Variants in ASIC2 observed in about 807,000 individuals in gnomAD.
ASIC2 encodes acid sensing ion channel subunit 2, also known as acid-sensing ion channel 2.
Under a neutral mutation model 57.3 loss-of-function variants are expected in ASIC2, and 25 were observed. That is an observed-to-expected ratio of 0.44 (90% CI 0.32 to 0.61). The LOEUF is 0.61. ASIC2 is among the 20% of genes least tolerant of loss of function. The pLI, the probability that ASIC2 is intolerant of heterozygous loss-of-function variation, is 0.06. For missense variants in ASIC2, 641 were observed against 738.1 expected (o/e 0.87, Z 1.52); for synonymous variants, 319 against 307.5 (o/e 1.04, Z -0.39).
At position 33,118,090 on chromosome 17, in the gene ASIC2, T is replaced by C. The variant is rs1004877628; in HGVS notation, c.709-6023A>G. Among the ~76,000 whole-genome samples, 5 of 152,200 alleles carry C rather than the reference T, an allele frequency of 3.3e-5. 1 individual carries two copies. Among genetic ancestry groups the C allele is most frequent in the African/African-American group, 1.2e-4 (5 of 41,446 alleles). ...AGATGCTTCCATGCACACAGCCCAC[T>C]TTGAAAATCTACATATGAGTTCCAG... On this transcript the variant is annotated intron_variant, in intron 1 of 9. Transcript: ENST00000225823.
intron 1 of ASIC2, among the ~76,000 whole-genome samples, chr17:33,589,709 C>T (rs1904766200): frequency 6.6e-6 from 1 of 152,206 alleles, no homozygotes; most frequent in African/African-American, 2.4e-5. Flanking sequence ...TCCTTCCTCT[C>T]AAAGGCTGAA....
chr17:33,474,272 C>G (rs769670424), intron 1 of ASIC2, among the ~76,000 whole-genome samples: 14 of 152,178 alleles, frequency 9.2e-5, no homozygotes, highest in African/African-American at 2.9e-4. Flanking sequence ...GAGGCTGAGA[C>G]AGGAGAATCC....
intron 1 of ASIC2, among the ~76,000 whole-genome samples, chr17:33,229,462 G>A (rs184581675): frequency 8.8e-4 from 134 of 152,346 alleles, no homozygotes; most frequent in African/African-American, 3.2e-3. Flanking sequence ...ACGCAGGGCA[G>A]AGAGGAGGGC....
chr17:34,122,518 C>A (rs1911655766), intron 1 of ASIC2, among the ~76,000 whole-genome samples: 1 of 152,248 alleles, frequency 6.6e-6, no homozygotes, highest in African/African-American at 2.4e-5. Flanking sequence ...GAGTCTTTCT[C>A]CCATGGTCCT....
At chr17:33,824,033 T>C (rs1322782687) in intron 1 of ASIC2, among the ~76,000 whole-genome samples, 2 of 152,096 alleles carry the variant, frequency 1.3e-5, no homozygotes, top group African/African-American at 4.8e-5. Context: ...AGTGAAGACA[T>C]GGCCCAGAAG....
intron 1 of ASIC2, among the ~76,000 whole-genome samples, chr17:33,148,474 A>G (rs1002779124): frequency 6.6e-6 from 1 of 152,214 alleles, no homozygotes; most frequent in Non-Finnish European, 1.5e-5. Context: ...TTGGGTATCA[A>G]TGCATCATTT....
chr17:33,626,473 AT>A (rs1003785739), intron 1 of ASIC2, among the ~76,000 whole-genome samples: 3 of 152,066 alleles, frequency 2.0e-5, no homozygotes, highest in Non-Finnish European at 4.4e-5. Context: ...GGCTATTTAC[AT>A]TTTTTCTAAT....
At chr17:33,203,056 G>A (rs930676729) in intron 1 of ASIC2, among the ~76,000 whole-genome samples, 1 of 152,198 alleles carries the variant, frequency 6.6e-6, no homozygotes, top group African/African-American at 2.4e-5. Context: ...CTGCTCCAGT[G>A]AGCCCAGAAA....
rs533281566 is a variant in ASIC2, at chr17:33,995,653, C to T, written c.555+160325G>A. On this transcript the variant is annotated intron_variant, in intron 1 of 9. Transcript: ENST00000359872. ...ACACGCATATAAACCACAATCTGTG[C>T]GTGTATATATGTGTGTGTGTATATA... Among the ~76,000 whole-genome samples the T allele has an allele frequency of 4.8e-4, 73 of 151,970 alleles. 1 individual carries two copies. Among genetic ancestry groups the T allele is most frequent in the South Asian group, 2.5e-3 (12 of 4,812 alleles).
At chr17:33,445,322 T>G (rs925343925) in intron 1 of ASIC2, among the ~76,000 whole-genome samples, 1 of 152,042 alleles carries the variant, frequency 6.6e-6, no homozygotes, top group Non-Finnish European at 1.5e-5. Flanking sequence ...TTCCAAATAC[T>G]TGGGAGGCTA....
intron 1 of ASIC2, among the ~76,000 whole-genome samples, chr17:33,465,372 C>CTTTTTTT (rs67424466): frequency 1.5e-4 from 13 of 88,282 alleles, no homozygotes; most frequent in South Asian, 4.2e-4. Context: ...TTTTCTTTTT[C>CTTTTTTT]TTTTTTTTTT....
At chr17:33,035,651 G>A (rs118037765) in intron 3 of ASIC2, among the ~76,000 whole-genome samples, 1,573 of 152,332 alleles carry the variant, frequency 0.01, 11 homozygotes, top group Middle Eastern at 0.044. Flanking sequence ...TGGAAAGCCT[G>A]AGTTGTTCAT....
chr17:34,037,826 G>A, intron 1 of ASIC2: 3 of 1,614,110 alleles, frequency 1.9e-6, no homozygotes, highest in South Asian at 1.1e-5. Context: ...CGGCTTTGGC[G>A]GGAACTGCAC....
chr17:33,558,817 C>T (rs145182220), intron 1 of ASIC2, among the ~76,000 whole-genome samples: 381 of 151,944 alleles, frequency 2.5e-3, no homozygotes, highest in African/African-American at 8.4e-3. Context: ...TTTTTTTAGA[C>T]GGAGTCTGGC....
chr17:33,222,707 T>A (rs1907728383), intron 1 of ASIC2, among the ~76,000 whole-genome samples: 1 of 152,222 alleles, frequency 6.6e-6, no homozygotes, highest in African/African-American at 2.4e-5. Context: ...TAAACAGGAA[T>A]GTTTGTAGCA....
intron 1 of ASIC2, among the ~76,000 whole-genome samples, chr17:33,228,160 G>C (rs900350644): frequency 6.6e-6 from 1 of 152,174 alleles, no homozygotes; most frequent in African/African-American, 2.4e-5. Context: ...CTTATTGTTT[G>C]GGTGTAATTT....
intron 7 of ASIC2, among the ~76,000 whole-genome samples, chr17:33,019,598 TGA>T (rs1021639957): frequency 6.6e-6 from 1 of 151,996 alleles, no homozygotes; most frequent in African/African-American, 2.4e-5. Flanking sequence ...CGTGCGGTGC[TGA>T]GAGAAGGGCC....
At chr17:33,779,800 C>A (rs913485868) in intron 1 of ASIC2, among the ~76,000 whole-genome samples, 4 of 152,110 alleles carry the variant, frequency 2.6e-5, no homozygotes, top group Admixed American at 6.6e-5. Flanking sequence ...AAATGCCTGA[C>A]TATTCCAACT....
chr17:33,847,155 G>A (rs1425488590), intron 1 of ASIC2, among the ~76,000 whole-genome samples: 1 of 151,382 alleles, frequency 6.6e-6, no homozygotes, highest in African/African-American at 2.4e-5. Context: ...CTTCTGGGAG[G>A]CATCTAGTAG....
Sources: allele counts gnomAD v4.1 joint callset (sites outside exome capture counted in the v4.1 genomes callset), GRCh38; gene constraint gnomAD v4.1.1; transcripts MANE v1.5; gene names NCBI Gene and HGNC (gene_info 2026-07-23, HGNC 2026-07-21).